Variants in MID1 observed in about 807,000 individuals in gnomAD.
The protein encoded by MID1 is E3 ubiquitin-protein ligase Midline-1.
In MID1, 7 loss-of-function variants were observed where a neutral mutation model predicts 40.4. That is an observed-to-expected ratio of 0.17 (90% CI 0.10 to 0.33). The LOEUF (loss-of-function observed/expected upper bound fraction) is 0.33. MID1 is among the 10% of genes least tolerant of loss of function. The pLI is 1.00. For missense variants in MID1, 367 were observed against 558.5 expected (o/e 0.66, Z 3.46); for synonymous variants, 229 against 221.2 (o/e 1.04, Z -0.31).
intron 1 of MID1, among the ~76,000 whole-genome samples, chrX:10,739,395 T>C (rs1224382052): frequency 8.9e-6 from 1 of 112,082 alleles, no homozygotes; most frequent in African/African-American, 3.2e-5. Context: ...TTTTCTGGTA[T>C]TGATTTTTAA....
intron 1 of MID1, among the ~76,000 whole-genome samples, chrX:10,713,325 A>AT (rs112742852): frequency 0.11 from 10,992 of 96,406 alleles, 657 homozygotes; most frequent in African/African-American, 0.2. Context: ...AGAGAAGGAG[A>AT]TTTTTTTTTT....
chrX:10,769,349 A>G (rs1353307088), intron 1 of MID1, among the ~76,000 whole-genome samples: 1 of 111,445 alleles, frequency 9.0e-6, no homozygotes, highest in Admixed American at 9.5e-5. Context: ...AGTAAACCAT[A>G]TAGTGCCATC....
At chrX:10,555,069 A>C (rs1279769040) in intron 2 of MID1, among the ~76,000 whole-genome samples, 1 of 112,012 alleles carries the variant, frequency 8.9e-6, no homozygotes, top group East Asian at 2.8e-4. Flanking sequence ...AGTGGAAATG[A>C]CATAAACTGC....
At chrX:10,472,619 A>T (rs191691193) in intron 6 of MID1, among the ~76,000 whole-genome samples, 3 of 112,454 alleles carry the variant, frequency 2.7e-5, no homozygotes, top group Middle Eastern at 4.6e-3. Context: ...CCCACCAGAC[A>T]TAAGTGGAAG....
chrX:10,474,768 C>T lies in MID1; in HGVS notation c.1014-18G>A. The T allele has an allele frequency of 8.3e-7, 1 of 1,201,857 alleles. No homozygotes were observed. The highest frequency in any genetic ancestry group is 1.1e-6 in the Non-Finnish European group (1 of 888,161). Reference sequence around the variant, plus strand: ...TGGAGACTCTGTAATGCAAACAAAACAATGTTTCAGAAATGTCAAGATGAC... The same window carrying T: ...TGGAGACTCTGTAATGCAAACAAAATAATGTTTCAGAAATGTCAAGATGAC... On this transcript the variant is annotated intron_variant, in intron 5 of 9. Coordinates refer to ENST00000317552, the MANE Select transcript of MID1 (RefSeq NM_000381.4).
chrX:10,811,213 A>G (rs1031299397), intron 1 of MID1, among the ~76,000 whole-genome samples: 1 of 112,053 alleles, frequency 8.9e-6, no homozygotes, highest in African/African-American at 3.2e-5. Flanking sequence ...CACCTTCTGT[A>G]TCTGTCCTTC....
intron 1 of MID1, among the ~76,000 whole-genome samples, chrX:10,594,340 T>C (rs1175499572): frequency 8.9e-6 from 1 of 111,764 alleles, no homozygotes; most frequent in Non-Finnish European, 1.9e-5. Flanking sequence ...CTTCTCTCAG[T>C]ATCTTTTCAC....
At chrX:10,829,961 G>T (rs1033014165) in intron 1 of MID1, among the ~76,000 whole-genome samples, 1 of 112,145 alleles carries the variant, frequency 8.9e-6, no homozygotes, top group Non-Finnish European at 1.9e-5. Flanking sequence ...TCTTCTCCAT[G>T]TGGCACCCCA....
At chrX:10,596,975 T>C (rs1392072531) in intron 1 of MID1, among the ~76,000 whole-genome samples, 1 of 111,316 alleles carries the variant, frequency 9.0e-6, no homozygotes, top group Non-Finnish European at 1.9e-5. Flanking sequence ...TGTGAAATAT[T>C]TCTCCTTTTG....
intron 1 of MID1, among the ~76,000 whole-genome samples, chrX:10,582,562 T>C (rs1011049726): frequency 1.2e-4 from 14 of 112,089 alleles, no homozygotes; most frequent in South Asian, 3.7e-4. Context: ...CCTTGAGTCA[T>C]AGAAGACTAG....
intron 1 of MID1, among the ~76,000 whole-genome samples, chrX:10,643,235 G>A (rs1419960058): frequency 3.6e-5 from 4 of 111,151 alleles, no homozygotes; most frequent in African/African-American, 1.3e-4. Context: ...GCAACCTACA[G>A]AATGGGAGAA....
chrX:10,595,196 T>A (rs958077023), intron 1 of MID1, among the ~76,000 whole-genome samples: 1 of 111,969 alleles, frequency 8.9e-6, no homozygotes, highest in Non-Finnish European at 1.9e-5. Flanking sequence ...TTTCTGACTC[T>A]TAAAGATCTC....
chrX:10,719,812 A>G (rs1277698859), intron 1 of MID1, among the ~76,000 whole-genome samples: 1 of 111,575 alleles, frequency 9.0e-6, no homozygotes, highest in African/African-American at 3.3e-5. Flanking sequence ...ACAAGGCTAC[A>G]GTAACCAAAA....
chrX:10,581,380 A>T (rs1007570443), intron 1 of MID1, among the ~76,000 whole-genome samples: 2 of 112,671 alleles, frequency 1.8e-5, no homozygotes, highest in Admixed American at 1.9e-4. Flanking sequence ...GGAGCCAGAT[A>T]CTGTACATAT....
chrX:10,748,689 T>C (rs1179442849), intron 1 of MID1, among the ~76,000 whole-genome samples: 1 of 112,020 alleles, frequency 8.9e-6, no homozygotes, highest in Admixed American at 9.5e-5. Context: ...AATATACGCA[T>C]TGGTGATTGT....
intron 1 of MID1, among the ~76,000 whole-genome samples, chrX:10,772,714 TAAATA>T (rs1489001477): frequency 9.0e-6 from 1 of 111,099 alleles, no homozygotes; most frequent in Non-Finnish European, 1.9e-5. Flanking sequence ...AAATTTATAT[TAAATA>T]TTTAAATTTA....
intron 1 of MID1, among the ~76,000 whole-genome samples, chrX:10,710,147 G>A (rs1329376966): frequency 9.0e-6 from 1 of 111,401 alleles, no homozygotes; most frequent in Non-Finnish European, 1.9e-5. Flanking sequence ...CTGGCAATGA[G>A]AGAATTCCTA....
chrX:10,769,869 T>C (rs1251183885), intron 1 of MID1, among the ~76,000 whole-genome samples: 2 of 111,750 alleles, frequency 1.8e-5, no homozygotes, highest in African/African-American at 3.3e-5. Context: ...TTTCAATTCA[T>C]TGTGGCATCA....
chrX:10,758,757 G>A (rs1000326938), intron 1 of MID1, among the ~76,000 whole-genome samples: 5 of 110,005 alleles, frequency 4.5e-5, no homozygotes, highest in African/African-American at 1.7e-4. Flanking sequence ...CAAAGTGCTG[G>A]GATTACAGGC....
Sources: allele counts gnomAD v4.1 joint callset (sites outside exome capture counted in the v4.1 genomes callset), GRCh38; gene constraint gnomAD v4.1.1; transcripts MANE v1.5; gene names NCBI Gene and HGNC (gene_info 2026-07-23, HGNC 2026-07-21).